Variants in GBE1 observed in about 807,000 individuals in gnomAD.
GBE1 encodes 1,4-alpha-glucan-branching enzyme.
GBE1 carries 70 observed loss-of-function variants against 88.8 expected under a neutral mutation model. That is an observed-to-expected ratio of 0.79 (90% CI 0.65 to 0.96). The LOEUF is 0.96. GBE1 is among the 40% of genes least tolerant of loss of function. The pLI is 0.00. For missense variants in GBE1, 872 were observed against 871.0 expected (o/e 1.00, Z -0.01); for synonymous variants, 284 against 300.1 (o/e 0.95, Z 0.56).
chr3:81,738,996 A>G (rs1706312391), intron 1 of GBE1, among the ~76,000 whole-genome samples: 1 of 152,124 alleles, frequency 6.6e-6, no homozygotes, highest in South Asian at 2.1e-4. Context: ...GGGATCTCTC[A>G]TAGTTTCATA....
intron 14 of GBE1, among the ~76,000 whole-genome samples, chr3:81,534,488 A>C (rs1364169830): frequency 6.6e-6 from 1 of 151,994 alleles, no homozygotes; most frequent in Non-Finnish European, 1.5e-5. Flanking sequence ...AAAAAGGAGT[A>C]AATGAATACA....
chr3:81,670,823 GA>G lies in GBE1; in HGVS notation c.429+14del. The G allele has an allele frequency of 7.4e-7, 1 of 1,352,072 alleles. No homozygotes were observed. The highest frequency in any genetic ancestry group is 1.0e-6 in the Non-Finnish European group (1 of 993,330). 83.8% of individuals were successfully genotyped at this position (1,352,072 alleles called of 1,614,324 possible). On this transcript the variant is annotated intron_variant, in intron 3 of 15. Transcript: ENST00000429644. Reference sequence around the variant, plus strand: ...AAATGATAAGTTCAAGAAAAAATAGGAGGGAGGAAAGTACCTTTAATTTGGA... The same window carrying G: ...AAATGATAAGTTCAAGAAAAAATAGGGGGAGGAAAGTACCTTTAATTTGGA...
intron 2 of GBE1, among the ~76,000 whole-genome samples, chr3:81,677,540 C>A (rs1035290572): frequency 6.6e-6 from 1 of 152,184 alleles, no homozygotes; most frequent in African/African-American, 2.4e-5. Context: ...AGTTTGGCTA[C>A]TTAACTTGTA....
chr3:81,509,146 CCTTT>C (rs1559628272), intron 14 of GBE1, among the ~76,000 whole-genome samples: 1 of 151,886 alleles, frequency 6.6e-6, no homozygotes, highest in Non-Finnish European at 1.5e-5. Flanking sequence ...GCCTCTTCTT[CCTTT>C]ATGATCTTTA....
chr3:81,646,644 C>A, intron 5 of GBE1, 162 bp from the exon 6 acceptor site: 1 of 565,444 alleles, frequency 1.8e-6, no homozygotes, highest in Non-Finnish European at 3.1e-6. Flanking sequence ...TTTGTTTGAC[C>A]TTCTAACAAC....
Position 81,648,997 on chromosome 3 carries a change from G to T in GBE1, c.556-6C>A. On this transcript the variant is annotated splice_region_variant and splice_polypyrimidine_tract_variant and intron_variant, in intron 4 of 15. Transcript: ENST00000429644. ...TTTGGTCTGGAATGCTTAAACTACAGAATATAAAATTATGTATAGAGTTAA... is the reference window on the plus strand; with the variant it reads ...TTTGGTCTGGAATGCTTAAACTACATAATATAAAATTATGTATAGAGTTAA... 1.9e-6 allele frequency: 3 copies of T among 1,549,440 alleles called. No individual in the cohort carries two copies. Among genetic ancestry groups the T allele is most frequent in the South Asian group, 1.2e-5 (1 of 82,380 alleles).
At chr3:81,756,696 A>G (rs1044689000) in intron 1 of GBE1, among the ~76,000 whole-genome samples, 3 of 152,162 alleles carry the variant, frequency 2.0e-5, no homozygotes, top group South Asian at 2.1e-4. Flanking sequence ...GGCATATAAT[A>G]TATCTCTAAG....
chr3:81,504,983 C>G (rs750551891), intron 14 of GBE1, among the ~76,000 whole-genome samples: 1 of 152,096 alleles, frequency 6.6e-6, no homozygotes. Context: ...AGTGACTAGA[C>G]GACTATAACG....
At chr3:81,710,004 T>C (rs938844643) in intron 1 of GBE1, among the ~76,000 whole-genome samples, 1 of 152,130 alleles carries the variant, frequency 6.6e-6, no homozygotes, top group African/African-American at 2.4e-5. Flanking sequence ...GTTATAAAAA[T>C]TATCAGATGT....
At chr3:81,537,256 T>C (rs757065811) in intron 12 of GBE1, among the ~76,000 whole-genome samples, 161 bp from the exon 13 acceptor site, 1 of 151,984 alleles carries the variant, frequency 6.6e-6, no homozygotes, top group Non-Finnish European at 1.5e-5. Flanking sequence ...AGCTCAAAAA[T>C]AGCACGGTCT....
rs114078862 is a variant in GBE1 at position 81,741,483 on chromosome 3, G to C, written c.143+19892C>G. Among the ~76,000 whole-genome samples, 617 of 152,152 alleles carry C rather than the reference G, an allele frequency of 4.1e-3. 9 individuals are homozygous for C. Among genetic ancestry groups the C allele is most frequent in the Middle Eastern group, 0.014 (4 of 294 alleles). On this transcript the variant is annotated intron_variant, in intron 1 of 15. Coordinates refer to ENST00000429644, the MANE Select transcript of GBE1 (RefSeq NM_000158.4). ...ACACAGATGGAAGTCGAGAGGAACA[G>C]CAATGAAATCTAAAATGCAAACTAT...
chr3:81,496,745 C>T (rs931418743), intron 15 of GBE1, among the ~76,000 whole-genome samples: 3 of 152,130 alleles, frequency 2.0e-5, no homozygotes, highest in African/African-American at 7.2e-5. Flanking sequence ...TGCTGAATAA[C>T]TTAGGTAAAA....
intron 1 of GBE1, among the ~76,000 whole-genome samples, 155 bp from the exon 2 acceptor site, chr3:81,705,768 C>A (rs1255470591): frequency 6.6e-6 from 1 of 151,954 alleles, no homozygotes; most frequent in Non-Finnish European, 1.5e-5. Flanking sequence ...TAGAGGCTAC[C>A]TGGTAGGATA....
chr3:81,745,680 G>T (rs181647883), intron 1 of GBE1, among the ~76,000 whole-genome samples: 1 of 151,870 alleles, frequency 6.6e-6, no homozygotes, highest in East Asian at 1.9e-4. Flanking sequence ...ACAAATGACA[G>T]GTAAAATATC....
At chr3:81,677,494 A>G (rs964398396) in intron 2 of GBE1, among the ~76,000 whole-genome samples, 5 of 152,234 alleles carry the variant, frequency 3.3e-5, no homozygotes, top group African/African-American at 1.2e-4. Flanking sequence ...TGCAGAATGT[A>G]TAAGAAATTA....
At chr3:81,706,484 CA>C (rs1705776796) in intron 1 of GBE1, among the ~76,000 whole-genome samples, 1 of 152,122 alleles carries the variant, frequency 6.6e-6, no homozygotes. Context: ...AGAAGTAAAC[CA>C]TGTGCCAGGT....
chr3:81,529,175 T>C (rs1039751334), intron 14 of GBE1, among the ~76,000 whole-genome samples: 1 of 152,098 alleles, frequency 6.6e-6, no homozygotes, highest in Non-Finnish European at 1.5e-5. Flanking sequence ...TAATCCACTA[T>C]TTTAAACTGA....
rs748594311 is a variant in GBE1 at position 81,578,070 on chromosome 3, T to C, written c.1473A>G (p.Ala491=). 3.1e-6 allele frequency: 5 copies of C among 1,604,744 alleles called. No homozygotes were observed. The African/African-American group carries it at 4.0e-5, about 13-fold the overall frequency. ...DQALVGDKSL[A]FWLMDAEMYT... Reference sequence around the variant, plus strand: ...ACATTTCGGCATCCATCAACCAAAATGCCAGCGACTTATCCCCAACCAATG... The same window carrying C: ...ACATTTCGGCATCCATCAACCAAAACGCCAGCGACTTATCCCCAACCAATG... Residue 491 remains alanine, a synonymous_variant, in exon 12 of 16, where the codon GCA becomes GCG. Transcript: ENST00000429644.
chr3:81,754,006 A>G (rs949017619), intron 1 of GBE1, among the ~76,000 whole-genome samples: 2 of 152,226 alleles, frequency 1.3e-5, no homozygotes, highest in African/African-American at 4.8e-5. Flanking sequence ...ACTGTAAAGG[A>G]AGAAGCCAAA....
Sources: gnomAD v4.1 joint callset for allele counts (sites outside exome capture counted in the v4.1 genomes callset) on GRCh38, gnomAD v4.1.1 for gene constraint, MANE v1.5 for transcripts, NCBI Gene and HGNC (gene_info 2026-07-23, HGNC 2026-07-21) for gene names.